The following HDLBP variants were observed in gnomAD, a reference collection of about 807,000 sequenced individuals.
HDLBP encodes vigilin.
A neutral mutation model predicts 137.3 loss-of-function variants in HDLBP; 30 were observed. The ratio of observed to expected loss-of-function variants is 0.22; its 90% CI spans 0.16 to 0.30. HDLBP has a LOEUF of 0.30. Among genes scored for constraint, HDLBP ranks in the 10% least tolerant of loss-of-function variants. HDLBP has a pLI of 1.00. For synonymous variants in HDLBP, 606 were observed against 596.0 expected (o/e 1.02, Z -0.24); for missense variants, 1,119 against 1,667.3 (o/e 0.67, Z 5.73).
intron 11 of HDLBP, among the ~76,000 whole-genome samples, chr2:241,252,596 G>C (rs1410712251): frequency 6.6e-6 from 1 of 152,196 alleles, no homozygotes; most frequent in African/African-American, 2.4e-5. Flanking sequence ...TCCACGTTCA[G>C]AAGGCATGAG....
chr2:241,305,761 T>G (rs911222320), intron 1 of HDLBP, among the ~76,000 whole-genome samples: 1 of 135,420 alleles, frequency 7.4e-6, no homozygotes, highest in Non-Finnish European at 1.6e-5. Context: ...TGTTTATTTG[T>G]TTTTTTTTTT....
At chr2:241,283,471 C>CT (rs1336705023) in intron 1 of HDLBP, among the ~76,000 whole-genome samples, 35 of 150,566 alleles carry the variant, frequency 2.3e-4, no homozygotes, top group Admixed American at 5.9e-4. Flanking sequence ...AGCTAGATGG[C>CT]TTCTTTTTTT....
chr2:241,236,506 C>CTGCCACTGCCGCTTG (rs2070472745), intron 21 of HDLBP, 109 bp downstream of exon 21: 2 of 1,107,882 alleles, frequency 1.8e-6, no homozygotes, highest in South Asian at 2.8e-5. Flanking sequence ...GCTACCTCCA[C>CTGCCACTGCCGCTTG]TGCCACTGCC....
intron 5 of HDLBP, among the ~76,000 whole-genome samples, chr2:241,257,652 C>T (rs1350758291): frequency 2.0e-5 from 3 of 152,184 alleles, no homozygotes; most frequent in African/African-American, 7.2e-5. Flanking sequence ...CTTAAAATAG[C>T]TAACAGAAGG....
chr2:241,235,641 G>A, intron 21 of HDLBP, 47 bp from the exon 22 acceptor site: 3 of 1,378,138 alleles, frequency 2.2e-6, no homozygotes, highest in African/African-American at 2.8e-5. Flanking sequence ...TGAGAGCAGA[G>A]TGACGTTGTA....
chr2:241,236,785 A>C lies in HDLBP; in HGVS notation c.2750-16T>G, dbSNP rs1333817850. ...GTACTGTGAACTAGAGAGAAAGGGGAAAAGGGACAGCTGACAGCTGCTGGA... is the reference window on the plus strand; with the variant it reads ...GTACTGTGAACTAGAGAGAAAGGGGCAAAGGGACAGCTGACAGCTGCTGGA... On this transcript the variant is annotated splice_polypyrimidine_tract_variant and intron_variant, in intron 20 of 27. Transcript: ENST00000310931. The C allele has an allele frequency of 1.9e-6, 3 of 1,611,348 alleles. No homozygotes were observed. The highest frequency in any genetic ancestry group is 2.5e-6 in the Non-Finnish European group (3 of 1,178,136).
At position 241,230,715 on chromosome 2, in the gene HDLBP, C is replaced by T. The variant is rs936052438; in HGVS notation, c.3474+44G>A. ...TTTCTTCTGGCCAGCCAGGTGCCCC[C>T]GGTGAGAGAGGATTCTCACCCACTG... On this transcript the variant is annotated intron_variant, in intron 25 of 27. Coordinates refer to ENST00000310931, the MANE Select transcript of HDLBP (RefSeq NM_005336.6). This position sits in a 1 kb window ranked among gnomAD's most constrained non-coding sequence, Gnocchi z 5.0. The T allele has an allele frequency of 3.8e-6, 6 of 1,561,458 alleles. No individual in the cohort carries two copies. Among genetic ancestry groups the T allele is most frequent in the Non-Finnish European group, 4.4e-6 (5 of 1,135,362 alleles).
At position 241,272,860 on chromosome 2, in the gene HDLBP, A is replaced by G. The variant is rs1461339116; in HGVS notation, c.-102-4319T>C. 1 of 306,902 alleles carries G rather than the reference A, an allele frequency of 3.3e-6. No homozygotes were observed. Among genetic ancestry groups the G allele is most frequent in the Non-Finnish European group, 4.8e-6 (1 of 210,488 alleles). 19.0% of individuals were successfully genotyped at this position (306,902 alleles called of 1,614,324 possible). A position where few individuals can be genotyped will look rare whatever the true frequency, so the allele number is the denominator to read the frequency against. On this transcript the variant is annotated intron_variant, in intron 1 of 27. Coordinates refer to ENST00000310931, the MANE Select transcript of HDLBP (RefSeq NM_005336.6). This position sits in a 1 kb window ranked among gnomAD's most constrained non-coding sequence, Gnocchi z 5.6. The stretch of plus-strand genomic sequence containing the variant: ...GCGCGGCGCCCGGGCCCCGGCTGCT[A>G]TATAGGGCGGCGGCCCAATCCCGCC...
chr2:241,262,613 T>C, intron 5 of HDLBP, 98 bp downstream of exon 5: 1 of 871,788 alleles, frequency 1.1e-6, no homozygotes, highest in Non-Finnish European at 1.9e-6. Flanking sequence ...ACTGTCCCAC[T>C]GGTAGGAAGG....
Position 241,230,062 on chromosome 2 carries a change from G to A in HDLBP, c.3591+91C>T. 6.3e-7 allele frequency: 1 copy of A among 1,584,034 alleles called. No individual in the cohort carries two copies. Among genetic ancestry groups the A allele is most frequent in the Non-Finnish European group, 8.6e-7 (1 of 1,159,418 alleles). On this transcript the variant is annotated intron_variant, in intron 26 of 27. Transcript: ENST00000310931. The surrounding 1 kb of genome is among the most constrained non-coding windows in gnomAD (Gnocchi z 5.0). ...ACCTCGCCTGCCTCTGGAAACACAA[G>A]TGCCACCTTGTCCCCTGAAGCTCCT...
chr2:241,302,346 C>G (rs1213977956), intron 1 of HDLBP, among the ~76,000 whole-genome samples: 1 of 151,950 alleles, frequency 6.6e-6, no homozygotes, highest in Non-Finnish European at 1.5e-5. Context: ...GGACTTGAGT[C>G]CAGGAGTACA....
At chr2:241,307,708 C>G (rs1181447944) in intron 1 of HDLBP, among the ~76,000 whole-genome samples, 1 of 152,110 alleles carries the variant, frequency 6.6e-6, no homozygotes, top group African/African-American at 2.4e-5. Context: ...AAAATAGGAT[C>G]TTACATGCAT....
chr2:241,246,573 G>A (rs907957784), intron 16 of HDLBP, 179 bp downstream of exon 16: 11 of 621,210 alleles, frequency 1.8e-5, no homozygotes, highest in Admixed American at 1.1e-4. Flanking sequence ...AGTAAGTATC[G>A]TGAGAGACAA....
chr2:241,247,156 AAC>A lies in HDLBP; in HGVS notation c.1732-16_1732-15del, dbSNP rs1293282473. 2.6e-6 allele frequency: 4 copies of A among 1,545,424 alleles called. No individual in the cohort carries two copies. Among genetic ancestry groups the A allele is most frequent in the East Asian group, 4.5e-5 (2 of 44,548 alleles). Reference sequence around the variant, plus strand: ...GCTATTTTCCACCTTAAAGACAAAAAACACAGCCCGATTCACCACCTGTGCTA... The same window carrying A: ...GCTATTTTCCACCTTAAAGACAAAAAACAGCCCGATTCACCACCTGTGCTA... On this transcript the variant is annotated splice_polypyrimidine_tract_variant and intron_variant, in intron 14 of 27. Coordinates refer to ENST00000310931, the MANE Select transcript of HDLBP (RefSeq NM_005336.6).
intron 1 of HDLBP, among the ~76,000 whole-genome samples, chr2:241,311,374 C>A (rs911380283): frequency 6.6e-6 from 1 of 152,144 alleles, no homozygotes; most frequent in African/African-American, 2.4e-5. Context: ...CCATGCACTT[C>A]TCAGGCAACT....
chr2:241,261,571 T>TTCAC (rs2073187887), intron 5 of HDLBP, among the ~76,000 whole-genome samples: 1 of 152,216 alleles, frequency 6.6e-6, no homozygotes, highest in East Asian at 1.9e-4. Context: ...GAAGTGGCCC[T>TTCAC]TTCCCCTACA....
rs1315751468 is a variant in HDLBP, at chr2:241,272,396, GCCACGGCACCAGGGGTGCC to G, written c.-102-3874_-102-3856del. Reference sequence around the variant, plus strand: ...GTCGGCCGCCCCTCCGCGCCGTGCGGCCACGGCACCAGGGGTGCCCCACCGAAGCCCCGGGAGGAGGCGG... The same window carrying G: ...GTCGGCCGCCCCTCCGCGCCGTGCGGCCACCGAAGCCCCGGGAGGAGGCGG... On this transcript the variant is annotated intron_variant, in intron 1 of 27. Transcript: ENST00000310931. This position sits in a 1 kb window ranked among gnomAD's most constrained non-coding sequence, Gnocchi z 5.6. The G allele has an allele frequency of 3.1e-6, 3 of 982,332 alleles. No individual in the cohort carries two copies. In the African/African-American group the frequency reaches 5.3e-5, roughly 17 times the overall value. 60.9% of individuals were successfully genotyped at this position (982,332 alleles called of 1,614,324 possible).
intron 13 of HDLBP, 24 bp from the exon 14 acceptor site, chr2:241,248,140 A>G (rs777289816): frequency 1.3e-6 from 2 of 1,587,456 alleles, no homozygotes; most frequent in Non-Finnish European, 1.7e-6. Flanking sequence ...TGGGGAGACT[A>G]AGTTCAAGTA....
intron 1 of HDLBP, among the ~76,000 whole-genome samples, chr2:241,300,877 G>C (rs775323874): frequency 2.6e-5 from 4 of 152,058 alleles, no homozygotes; most frequent in Non-Finnish European, 1.5e-5. Flanking sequence ...TGAGCAATTA[G>C]ATCAAAATAG....
Sources: gnomAD v4.1 joint callset for allele counts (sites outside exome capture counted in the v4.1 genomes callset) on GRCh38, gnomAD v4.1.1 for gene constraint, Gnocchi (gnomAD v3.1) non-coding constraint, MANE v1.5 for transcripts, NCBI Gene and HGNC (gene_info 2026-07-23, HGNC 2026-07-21) for gene names.